The following WDFY3 variants were observed in gnomAD, a reference collection of about 807,000 sequenced individuals.
The protein encoded by WDFY3 is WD repeat and FYVE domain containing 3.
Under a neutral mutation model 409.6 loss-of-function variants are expected in WDFY3, and 66 were observed. The ratio of observed to expected loss-of-function variants is 0.16; its 90% CI spans 0.13 to 0.20. WDFY3 has a LOEUF of 0.20. Ranked by LOEUF, WDFY3 falls within the 10% of genes least tolerant of loss-of-function variation. WDFY3 has a pLI of 1.00. For missense variants in WDFY3, 3,031 were observed against 4,298.1 expected (o/e 0.71, Z 8.24); for synonymous variants, 1,521 against 1,537.1 (o/e 0.99, Z 0.25).
At chr4:84,836,563 T>C (rs931454779) in intron 7 of WDFY3, among the ~76,000 whole-genome samples, 2 of 152,034 alleles carry the variant, frequency 1.3e-5, no homozygotes, top group South Asian at 2.1e-4. Context: ...ACTTCCTGTA[T>C]ATAAACAGCA....
In WDFY3 at chr4:84,780,180, G is replaced by A; in HGVS notation, c.4293C>T (p.Val1431=). ...TCTTGACCACACAAACCAGGGCCTT[G>A]ACTGCTGCATATAACCCTTCCACAT... ...ASDVEGLYAA[V]KALVCVVKSN... Residue 1431 remains valine (V), a synonymous_variant, in exon 26 of 68, where the codon GTC becomes GTT. Transcript: ENST00000295888. The A allele has an allele frequency of 6.2e-7, 1 of 1,613,612 alleles. No homozygotes were observed. The highest frequency in any genetic ancestry group is 8.5e-7 in the Non-Finnish European group (1 of 1,179,798).
chr4:84,843,065 C>T (rs568409966), intron 5 of WDFY3, among the ~76,000 whole-genome samples: 1 of 152,268 alleles, frequency 6.6e-6, no homozygotes, highest in South Asian at 2.1e-4. Flanking sequence ...GTGTTAAGTA[C>T]TTGTGGGTTT....
intron 5 of WDFY3, 175 bp downstream of exon 5, chr4:84,849,727 G>A: frequency 1.2e-6 from 1 of 808,402 alleles, no homozygotes; most frequent in Non-Finnish European, 1.8e-6. Flanking sequence ...CTACTGGAGA[G>A]TTGAAGATGC....
intron 34 of WDFY3, 48 bp downstream of exon 34, chr4:84,755,218 C>G: frequency 6.3e-7 from 1 of 1,587,614 alleles, no homozygotes; most frequent in Non-Finnish European, 8.5e-7. Context: ...AAAAAGTATC[C>G]TAGGCAGGAG....
intron 48 of WDFY3, among the ~76,000 whole-genome samples, chr4:84,717,603 T>C (rs888706565): frequency 6.6e-6 from 1 of 152,172 alleles, no homozygotes; most frequent in Non-Finnish European, 1.5e-5. Context: ...CTTAACTTTC[T>C]TCTAGGTTGG....
At chr4:84,702,173 A>C (rs1731164678) in intron 56 of WDFY3, among the ~76,000 whole-genome samples, 180 bp downstream of exon 56, 1 of 152,224 alleles carries the variant, frequency 6.6e-6, no homozygotes, top group African/African-American at 2.4e-5. Flanking sequence ...ACGTCTGGCT[A>C]ATTTTTGTAA....
chr4:84,805,600 T>C (rs1751379916), intron 15 of WDFY3, among the ~76,000 whole-genome samples: 1 of 152,286 alleles, frequency 6.6e-6, no homozygotes, highest in Non-Finnish European at 1.5e-5. Context: ...TAGGATAAAA[T>C]TACATTTCAT....
At chr4:84,886,525 T>C (rs2150457626) in intron 3 of WDFY3, 1 of 152,274 alleles carries the variant, frequency 6.6e-6, no homozygotes, top group South Asian at 2.1e-4. Context: ...GATTCTTAGC[T>C]ATTTATCATC....
Position 84,829,163 on chromosome 4 carries a change from T to C in WDFY3, c.797A>G (p.Gln266Arg), listed in dbSNP as rs1436883755. The change falls in exon 9 of 68, where the codon CAG becomes CGG. Residue 266 changes from glutamine (Q) to arginine (R), a missense_variant. Coordinates refer to ENST00000295888, the MANE Select transcript of WDFY3 (RefSeq NM_014991.6). ...HEKECLSTCV[Q>R]NMQQSDDLSP... ...CAGGTCATCTGATTGCTGCATATTC[T>C]GAACACATGTAGATAAACACTCTTT... 1.9e-6 allele frequency: 3 copies of C among 1,606,606 alleles called. No homozygotes were observed. Among genetic ancestry groups the C allele is most frequent in the African/African-American group, 1.3e-5 (1 of 74,704 alleles).
chr4:84,861,644 TAAG>T (rs1342506991), intron 3 of WDFY3, among the ~76,000 whole-genome samples: 2 of 152,146 alleles, frequency 1.3e-5, no homozygotes, highest in Non-Finnish European at 2.9e-5. Context: ...AAATAGAAGA[TAAG>T]AAAAGAATAA....
At position 84,831,484 on chromosome 4, in the gene WDFY3, T is replaced by G. The variant is rs1755729112; in HGVS notation, c.698A>C (p.Lys233Thr). The change falls in exon 8 of 68, where the codon AAG (lysine) becomes ACG (threonine). Residue 233 changes from lysine to threonine, a missense_variant. Lys to Thr is a moderately conservative substitution (Grantham distance 78). This residue lies in a region of WDFY3 where 1,322 missense variants were observed against 1,697.9 expected (regional missense o/e 0.78). Transcript: ENST00000295888. ...GGTCATGAGGACTTCTCCAGCACTCTTTCTCCAAGGCAGGTTATAGGGAGG... is the reference window on the plus strand; with the variant it reads ...GGTCATGAGGACTTCTCCAGCACTCGTTCTCCAAGGCAGGTTATAGGGAGG... The part of the protein sequence containing the change: ...WCPPYNLPWR[K>T]SAGEVLMTIS... 6.2e-7 allele frequency: 1 copy of G among 1,614,112 alleles called. No individual in the cohort carries two copies.
chr4:84,722,977 C>T (rs1305519860), intron 46 of WDFY3, among the ~76,000 whole-genome samples: 1 of 152,174 alleles, frequency 6.6e-6, no homozygotes, highest in Non-Finnish European at 1.5e-5. Context: ...TGAATCAAAA[C>T]CTCCATTTCT....
intron 5 of WDFY3, among the ~76,000 whole-genome samples, chr4:84,841,611 G>A (rs1483511182): frequency 6.6e-6 from 1 of 152,110 alleles, no homozygotes; most frequent in Non-Finnish European, 1.5e-5. Context: ...TAAGAGCACA[G>A]CAATAAAACA....
chr4:84,751,963 A>T (rs1740599626), intron 35 of WDFY3, among the ~76,000 whole-genome samples: 1 of 152,126 alleles, frequency 6.6e-6, no homozygotes, highest in Non-Finnish European at 1.5e-5. Flanking sequence ...GTTGAATTGT[A>T]TGTCTATTGT....
intron 33 of WDFY3, among the ~76,000 whole-genome samples, chr4:84,756,284 A>T (rs1230748098): frequency 6.6e-6 from 1 of 152,124 alleles, no homozygotes; most frequent in East Asian, 1.9e-4. Context: ...TTAATTCTGC[A>T]GAAATCAATC....
chr4:84,866,825 C>A (rs767158094), intron 3 of WDFY3, among the ~76,000 whole-genome samples: 2 of 152,180 alleles, frequency 1.3e-5, no homozygotes, highest in South Asian at 4.1e-4. Context: ...TTGTGGAAAA[C>A]GCCAAGGACC....
chr4:84,719,825 T>C (rs1734547329), intron 47 of WDFY3, among the ~76,000 whole-genome samples: 1 of 152,230 alleles, frequency 6.6e-6, no homozygotes, highest in Non-Finnish European at 1.5e-5. Flanking sequence ...GCCTCTCTTG[T>C]GCTTCCTTCA....
Position 84,803,378 on chromosome 4 carries a change from T to C in WDFY3, c.2519A>G (p.Gln840Arg), listed in dbSNP as rs1214165002. 4 of 1,614,056 alleles carry C rather than the reference T, an allele frequency of 2.5e-6. No homozygotes were observed. The highest frequency in any genetic ancestry group is 1.7e-5 in the Admixed American group (1 of 60,002). ...ATGAATGATGACTGCATCAGAACTC[T>C]GCAGAGATGAAGTTGTCACATGTAG... is the stretch of plus-strand genomic sequence containing the variant. Reference protein sequence around the residue: ...LKLHVTTSSLQSSDAVIIHPG... With the variant: ...LKLHVTTSSLRSSDAVIIHPG... The change falls in exon 16 of 68, where the codon CAG (glutamine) becomes CGG (arginine). Residue 840 changes from glutamine to arginine, a missense_variant. Around this residue, in one of 16 missense-constraint regions of WDFY3, gnomAD observed 1,322 missense variants for 1,697.9 expected, o/e 0.78. Transcript: ENST00000295888.
At chr4:84,721,174 A>T (rs56928172) in intron 47 of WDFY3, among the ~76,000 whole-genome samples, 1 of 152,168 alleles carries the variant, frequency 6.6e-6, no homozygotes. Context: ...AGAAAGAATT[A>T]GATGCCAGTT....
Sources: gnomAD v4.1 joint callset for allele counts (sites outside exome capture counted in the v4.1 genomes callset) on GRCh38, gnomAD v4.1.1 for gene constraint, gnomAD v4.1.1 regional missense constraint, MANE v1.5 for transcripts, NCBI Gene and HGNC (gene_info 2026-07-23, HGNC 2026-07-21) for gene names.